The following PSMD14 variants were observed in gnomAD, a reference collection of about 807,000 sequenced individuals.
The protein encoded by PSMD14 is ubiquitin C-terminal hydrolase PSMD14.
A neutral mutation model predicts 41.2 loss-of-function variants in PSMD14; 7 were observed. The observed-to-expected ratio is 0.17, with a 90% CI of 0.10 to 0.32. PSMD14 has a LOEUF of 0.32. Among genes scored for constraint, PSMD14 ranks in the 10% least tolerant of loss-of-function variants. The probability of loss-of-function intolerance (pLI) is 1.00; values close to 1 mark genes in which losing one functional copy is unlikely to be tolerated. For missense variants in PSMD14, 139 were observed against 375.6 expected, an observed-to-expected ratio of 0.37 and a Z score of 5.21; for synonymous variants, 114 against 122.3, an observed-to-expected ratio of 0.93 and a Z score of 0.45.
At chr2:161,408,302 A>G (rs1273878637) in intron 10 of PSMD14, 1 of 153,366 alleles carries the variant, frequency 6.5e-6, no homozygotes, top group Non-Finnish European at 1.5e-5. Flanking sequence ...TGAAATTACT[A>G]AGAGAGAAAC....
At chr2:161,316,981 A>AAT (rs973555205) in intron 2 of PSMD14, among the ~76,000 whole-genome samples, 1 of 152,084 alleles carries the variant, frequency 6.6e-6, no homozygotes, top group Non-Finnish European at 1.5e-5. Context: ...TTTGGCCTAG[A>AAT]ATATATATAT....
At chr2:161,406,974 C>T (rs747917516) in intron 10 of PSMD14, among the ~76,000 whole-genome samples, 34 of 151,948 alleles carry the variant, frequency 2.2e-4, no homozygotes, top group Non-Finnish European at 5.9e-5. Flanking sequence ...TGCAATATTC[C>T]GCAATACTCC....
chr2:161,406,586 G>A (rs1251178370), intron 10 of PSMD14, among the ~76,000 whole-genome samples: 1 of 152,172 alleles, frequency 6.6e-6, no homozygotes, highest in African/African-American at 2.4e-5. Flanking sequence ...TGGTAGATGA[G>A]ATACAGGTAA....
chr2:161,399,339 G>A (rs986878613), intron 10 of PSMD14, among the ~76,000 whole-genome samples: 6 of 152,062 alleles, frequency 3.9e-5, no homozygotes, highest in Non-Finnish European at 7.4e-5. Context: ...CATTTACTGA[G>A]TGTTTGTTAC....
At chr2:161,385,894 TG>T (rs1227492268) in intron 8 of PSMD14, among the ~76,000 whole-genome samples, 1 of 151,816 alleles carries the variant, frequency 6.6e-6, no homozygotes, top group African/African-American at 2.4e-5. Context: ...CGGTGAAGGA[TG>T]TAACTATTAT....
chr2:161,321,843 C>T (rs998040299), intron 3 of PSMD14, among the ~76,000 whole-genome samples: 5 of 152,192 alleles, frequency 3.3e-5, no homozygotes, highest in African/African-American at 1.2e-4. Flanking sequence ...GGAATTAGGG[C>T]ATGTCACCCT....
chr2:161,354,161 T>C (rs573049563), intron 3 of PSMD14, among the ~76,000 whole-genome samples: 6 of 152,278 alleles, frequency 3.9e-5, no homozygotes, highest in East Asian at 1.9e-4. Context: ...TTTCCAGTTA[T>C]GTTTTTGCCA....
chr2:161,406,601 G>C (rs1462214459), intron 10 of PSMD14, among the ~76,000 whole-genome samples: 1 of 152,050 alleles, frequency 6.6e-6, no homozygotes, highest in African/African-American at 2.4e-5. Context: ...AGGTAACTTG[G>C]GTAGATAGAG....
intron 3 of PSMD14, among the ~76,000 whole-genome samples, chr2:161,341,842 A>T (rs1226018989): frequency 7.0e-6 from 1 of 142,448 alleles, no homozygotes; most frequent in Non-Finnish European, 1.5e-5. Context: ...CTTCTCCAAA[A>T]AAAAAAAAAA....
At chr2:161,347,778 A>G (rs943079577) in intron 3 of PSMD14, among the ~76,000 whole-genome samples, 12 of 152,178 alleles carry the variant, frequency 7.9e-5, no homozygotes, top group Non-Finnish European at 1.5e-5. Flanking sequence ...TTTGTGGAGC[A>G]CTCACTGTGT....
intron 7 of PSMD14, chr2:161,383,202 A>G (rs1176166101): frequency 2.6e-5 from 4 of 152,124 alleles, no homozygotes; most frequent in Non-Finnish European, 5.9e-5. Context: ...ATTATACCAA[A>G]ATTAAAATGT....
chr2:161,312,794 A>G (rs1197462924), intron 1 of PSMD14, among the ~76,000 whole-genome samples: 1 of 152,194 alleles, frequency 6.6e-6, no homozygotes, highest in Non-Finnish European at 1.5e-5. Context: ...TTTTATGTTA[A>G]GTATAACACA....
chr2:161,321,193 A>T (rs1682581295), intron 3 of PSMD14, among the ~76,000 whole-genome samples: 1 of 152,196 alleles, frequency 6.6e-6, no homozygotes, highest in Non-Finnish European at 1.5e-5. Context: ...AAAAGGCAGA[A>T]TTCCCTCCCA....
At chr2:161,340,871 C>G (rs1036285419) in intron 3 of PSMD14, 1 of 1,613,968 alleles carries the variant, frequency 6.2e-7, no homozygotes, top group Admixed American at 1.7e-5. Flanking sequence ...TCTTCTCGTA[C>G]TGGTTTCCCC....
chr2:161,310,886 C>T (rs941634261), intron 1 of PSMD14, among the ~76,000 whole-genome samples: 1 of 152,216 alleles, frequency 6.6e-6, no homozygotes, highest in Non-Finnish European at 1.5e-5. Flanking sequence ...GCTGCTTCTA[C>T]CCACCTGCCC....
At chr2:161,329,596 A>C (rs1238694458) in intron 3 of PSMD14, among the ~76,000 whole-genome samples, 1 of 152,116 alleles carries the variant, frequency 6.6e-6, no homozygotes, top group African/African-American at 2.4e-5. Context: ...TTCTCTTAAG[A>C]AGTAGAGAAG....
At chr2:161,376,901 C>A (rs1252570108) in intron 7 of PSMD14, among the ~76,000 whole-genome samples, 1 of 151,858 alleles carries the variant, frequency 6.6e-6, no homozygotes, top group Non-Finnish European at 1.5e-5. Flanking sequence ...ACTACCAAAT[C>A]TATTTTTTTT....
intron 8 of PSMD14, among the ~76,000 whole-genome samples, chr2:161,389,303 C>T (rs565138575): frequency 6.6e-6 from 1 of 152,282 alleles, no homozygotes; most frequent in South Asian, 2.1e-4. Context: ...GAGCTTCCAG[C>T]TCAAGCTCCA....
At chr2:161,408,270 TA>T (rs1168405457) in intron 10 of PSMD14, 4 of 152,534 alleles carry the variant, frequency 2.6e-5, no homozygotes, top group African/African-American at 9.6e-5. Context: ...ATACATGTAT[TA>T]CTTTTAGAGA....
Sources: allele counts gnomAD v4.1 joint callset (sites outside exome capture counted in the v4.1 genomes callset), GRCh38; gene constraint gnomAD v4.1.1; transcripts MANE v1.5; gene names NCBI Gene and HGNC (gene_info 2026-07-23, HGNC 2026-07-21).